Variants in NALF1 observed in about 807,000 individuals in gnomAD.
The protein encoded by NALF1 is NALCN channel auxiliary factor 1.
In NALF1, 3 loss-of-function variants were observed where a neutral mutation model predicts 48.4. The ratio of observed to expected loss-of-function variants is 0.06; its 90% CI spans 0.03 to 0.16. NALF1 has a LOEUF of 0.16. Among genes scored for constraint, NALF1 ranks in the 10% least tolerant of loss-of-function variants. The pLI is 1.00. For missense variants in NALF1, 526 were observed against 571.5 expected, an observed-to-expected ratio of 0.92 and a Z score of 0.81; for synonymous variants, 262 against 245.7, an observed-to-expected ratio of 1.07 and a Z score of -0.62.
In NALF1 at chr13:107,448,867, G is replaced by A. The variant is rs189584848; in HGVS notation, c.916-238112C>T. Reference sequence around the variant, plus strand: ...CCACTTTTCTCAAGCTGATGTGAGAGGAGCTGACGGGACTTTTGCTAGCAG... The same window carrying A: ...CCACTTTTCTCAAGCTGATGTGAGAAGAGCTGACGGGACTTTTGCTAGCAG... On this transcript the variant is annotated intron_variant, in intron 1 of 2. Transcript: ENST00000375915. 1.2e-3 allele frequency among the ~76,000 whole-genome samples: 181 copies of A among 152,284 alleles called. 1 individual carries two copies. The highest frequency in any genetic ancestry group is 4.0e-4 in the Non-Finnish European group (27 of 68,030).
At chr13:107,315,824 G>A (rs1385374988) in intron 1 of NALF1, among the ~76,000 whole-genome samples, 2 of 150,024 alleles carry the variant, frequency 1.3e-5, no homozygotes, top group East Asian at 1.9e-4. Flanking sequence ...ATAAAAATGG[G>A]CATATCTCTT....
At chr13:107,283,298 A>G (rs2138874760) in intron 1 of NALF1, among the ~76,000 whole-genome samples, 1 of 152,314 alleles carries the variant, frequency 6.6e-6, no homozygotes, top group South Asian at 2.1e-4. Flanking sequence ...AAACATGTAC[A>G]CAAGTGACAT....
intron 1 of NALF1, among the ~76,000 whole-genome samples, chr13:107,720,859 A>G (rs1275318379): frequency 2.0e-5 from 3 of 152,206 alleles, no homozygotes; most frequent in East Asian, 1.9e-4. Context: ...GTTTACGCCA[A>G]AGGTTGCATA....
intron 2 of NALF1, among the ~76,000 whole-genome samples, chr13:107,202,279 C>A (rs961486430): frequency 1.3e-5 from 2 of 151,230 alleles, no homozygotes; most frequent in Non-Finnish European, 2.9e-5. Context: ...TTATTACCTA[C>A]ATTATCTGGA....
chr13:107,846,186 G>A (rs1016404224), intron 1 of NALF1, among the ~76,000 whole-genome samples: 7 of 152,220 alleles, frequency 4.6e-5, no homozygotes, highest in African/African-American at 9.6e-5. Flanking sequence ...AGCTGCAAGC[G>A]TCCTGTATCA....
At chr13:107,620,333 A>G (rs1360552532) in intron 1 of NALF1, among the ~76,000 whole-genome samples, 1 of 152,208 alleles carries the variant, frequency 6.6e-6, no homozygotes, top group Non-Finnish European at 1.5e-5. Flanking sequence ...TCAAACACTA[A>G]TAGAGATAAT....
At chr13:107,845,915 T>TTGAATATAATTCAAATTCATGTACC (rs1880159535) in intron 1 of NALF1, among the ~76,000 whole-genome samples, 2 of 151,914 alleles carry the variant, frequency 1.3e-5, no homozygotes. Context: ...AATGGTAGAG[T>TTGAATATAATTCAAATTCATGTACC]TGAATATAAT....
intron 1 of NALF1, among the ~76,000 whole-genome samples, chr13:107,511,921 A>G (rs1399519168): frequency 6.6e-6 from 1 of 152,220 alleles, no homozygotes; most frequent in African/African-American, 2.4e-5. Context: ...AGTTACCCCA[A>G]GCACATCACC....
intron 1 of NALF1, among the ~76,000 whole-genome samples, chr13:107,338,705 T>G (rs1882607276): frequency 6.6e-6 from 1 of 152,222 alleles, no homozygotes; most frequent in Non-Finnish European, 1.5e-5. Context: ...TCGGATTAAC[T>G]TCTATTATTA....
At position 107,164,914 on chromosome 13, in the gene NALF1, A is replaced by G. The variant is rs1013384130; in HGVS notation, c.*5583T>C. 6.6e-6 allele frequency: 1 copy of G among 152,168 alleles called. No homozygotes were observed. Among genetic ancestry groups the G allele is most frequent in the East Asian group, 1.9e-4 (1 of 5,174 alleles). The allele number at this position is 152,168 out of a possible 1,614,324, so 9.4% of individuals were successfully genotyped here. ...ACTTTGTGAATGAATAGTCATGATA[A>G]CTAACTACTACTGAGCACCTGTTTT... On this transcript the variant is annotated 3_prime_UTR_variant, in exon 3 of 3. Transcript: ENST00000375915.
At chr13:107,192,465 C>A (rs1879303520) in intron 2 of NALF1, among the ~76,000 whole-genome samples, 3 of 152,156 alleles carry the variant, frequency 2.0e-5, no homozygotes. Flanking sequence ...TGAGTCAACA[C>A]CACTAGAGGG....
chr13:107,558,570 C>T (rs1282793666), intron 1 of NALF1, among the ~76,000 whole-genome samples: 2 of 152,174 alleles, frequency 1.3e-5, no homozygotes, highest in African/African-American at 4.8e-5. Flanking sequence ...TTACTCTCAC[C>T]TTTGGTTTAA....
chr13:107,832,589 A>G (rs1353064586), intron 1 of NALF1, among the ~76,000 whole-genome samples: 3 of 152,114 alleles, frequency 2.0e-5, no homozygotes, highest in African/African-American at 7.2e-5. Context: ...ACGAAATGAT[A>G]CCACCTGCTG....
intron 1 of NALF1, among the ~76,000 whole-genome samples, chr13:107,339,688 T>G (rs1047760474): frequency 2.6e-5 from 4 of 152,226 alleles, no homozygotes; most frequent in Non-Finnish European, 4.4e-5. Context: ...TTGCATCATT[T>G]ATTTTCTCAA....
chr13:107,673,465 T>C (rs1881038400), intron 1 of NALF1, among the ~76,000 whole-genome samples: 1 of 152,160 alleles, frequency 6.6e-6, no homozygotes. Context: ...CTATTCCTAT[T>C]CTCTCAGGAT....
intron 1 of NALF1, among the ~76,000 whole-genome samples, chr13:107,856,156 C>A (rs1487777564): frequency 6.6e-6 from 1 of 152,206 alleles, no homozygotes; most frequent in Non-Finnish European, 1.5e-5. Context: ...ATCCTCCTGT[C>A]TTAGCCTCCC....
chr13:107,446,626 G>A (rs533675850), intron 1 of NALF1, among the ~76,000 whole-genome samples: 16 of 151,912 alleles, frequency 1.1e-4, no homozygotes, highest in Non-Finnish European at 2.1e-4. Context: ...AAATTGTATT[G>A]TTTTCTCAAA....
chr13:107,257,983 T>C (rs1566466294), intron 1 of NALF1, among the ~76,000 whole-genome samples: 1 of 152,280 alleles, frequency 6.6e-6, no homozygotes. Flanking sequence ...AATTAATAAA[T>C]AGTGAAAGGT....
At chr13:107,445,132 TG>T (rs1296922658) in intron 1 of NALF1, among the ~76,000 whole-genome samples, 1 of 152,172 alleles carries the variant, frequency 6.6e-6, no homozygotes, top group Non-Finnish European at 1.5e-5. Context: ...TGCATGTGTG[TG>T]TGTGTATGTT....
Sources: gnomAD v4.1 joint callset for allele counts (sites outside exome capture counted in the v4.1 genomes callset) on GRCh38, gnomAD v4.1.1 for gene constraint, MANE v1.5 for transcripts, NCBI Gene and HGNC (gene_info 2026-07-23, HGNC 2026-07-21) for gene names.